The following HECW2 variants were observed in gnomAD, a reference collection of about 807,000 sequenced individuals.
HECW2 encodes HECT, C2 and WW domain containing E3 ubiquitin protein ligase 2.
In HECW2, 61 loss-of-function variants were observed where a neutral mutation model predicts 175.2. The observed-to-expected ratio is 0.35, with a 90% CI of 0.28 to 0.43. The LOEUF is 0.43. Among genes scored for constraint, HECW2 ranks in the 20% least tolerant of loss-of-function variants. HECW2 has a pLI of 1.00. For missense variants in HECW2, 1,524 were observed against 2,000.5 expected (o/e 0.76, Z 4.54); for synonymous variants, 671 against 731.0 (o/e 0.92, Z 1.32).
At chr2:196,279,464 CA>C (rs1399111400) in intron 14 of HECW2, among the ~76,000 whole-genome samples, 1 of 152,168 alleles carries the variant, frequency 6.6e-6, no homozygotes, top group Non-Finnish European at 1.5e-5. Context: ...CCAGCCTGAA[CA>C]CCACCCCATT....
chr2:196,524,908 A>G (rs1688574015), intron 1 of HECW2, among the ~76,000 whole-genome samples: 1 of 133,388 alleles, frequency 7.5e-6, no homozygotes, highest in East Asian at 2.0e-4. Context: ...TATGTGGTCA[A>G]TTTTGGAATA....
intron 2 of HECW2, among the ~76,000 whole-genome samples, chr2:196,364,714 C>T (rs1379484361): frequency 1.3e-5 from 2 of 152,156 alleles, no homozygotes; most frequent in Non-Finnish European, 1.5e-5. Context: ...CCTGCCCTCA[C>T]AGAGCTTATA....
intron 21 of HECW2, among the ~76,000 whole-genome samples, chr2:196,229,924 A>G (rs1687988886): frequency 6.6e-6 from 1 of 152,242 alleles, no homozygotes; most frequent in Admixed American, 6.5e-5. Context: ...ATACATGAAT[A>G]TTAAAATAAA....
At chr2:196,278,506 G>C (rs770841147) in intron 15 of HECW2, 22 bp downstream of exon 15, 1 of 1,609,628 alleles carries the variant, frequency 6.2e-7, no homozygotes, top group South Asian at 1.1e-5. Flanking sequence ...CAACAGGTCA[G>C]TCCCCAAAAC....
intron 2 of HECW2, chr2:196,361,765 A>G: frequency 2.0e-6 from 2 of 979,358 alleles, no homozygotes; most frequent in Non-Finnish European, 2.4e-6. Context: ...GGACAAGGAA[A>G]TCAAGTGACA....
chr2:196,215,751 G>A, intron 28 of HECW2, 114 bp downstream of exon 28: 2 of 706,308 alleles, frequency 2.8e-6, no homozygotes, highest in Admixed American at 5.5e-5. Context: ...CATTCTAAGA[G>A]CTTTTCCGCT....
intron 2 of HECW2, among the ~76,000 whole-genome samples, chr2:196,389,998 A>G (rs1005810644): frequency 1.3e-5 from 2 of 152,158 alleles, no homozygotes; most frequent in African/African-American, 4.8e-5. Flanking sequence ...CTCTTTAGAT[A>G]CTTTGAAAGC....
At chr2:196,488,040 A>G (rs370381684) in intron 1 of HECW2, among the ~76,000 whole-genome samples, 1 of 152,220 alleles carries the variant, frequency 6.6e-6, no homozygotes, top group Non-Finnish European at 1.5e-5. Flanking sequence ...AATTCCACTT[A>G]CTGTGCTTCC....
intron 1 of HECW2, among the ~76,000 whole-genome samples, chr2:196,569,460 C>G (rs1176071369): frequency 6.6e-6 from 1 of 152,190 alleles, no homozygotes; most frequent in African/African-American, 2.4e-5. Flanking sequence ...CTTCTGTCTA[C>G]TTTTTCCATA....
intron 1 of HECW2, among the ~76,000 whole-genome samples, chr2:196,459,703 A>G (rs1696662171): frequency 6.6e-6 from 1 of 152,188 alleles, no homozygotes. Context: ...GTGGTTTTCA[A>G]CAAAATAACC....
intron 2 of HECW2, among the ~76,000 whole-genome samples, chr2:196,368,320 C>A (rs546402520): frequency 3.3e-5 from 5 of 152,276 alleles, no homozygotes; most frequent in South Asian, 4.1e-4. Context: ...TATCTCATTG[C>A]AGTTTTGCTG....
At chr2:196,243,589 C>CT (rs1240945590) in intron 19 of HECW2, among the ~76,000 whole-genome samples, 3 of 148,650 alleles carry the variant, frequency 2.0e-5, no homozygotes, top group Non-Finnish European at 4.5e-5. Flanking sequence ...TTTCTCTTTC[C>CT]TTTTTTTTGA....
chr2:196,293,196 T>C (rs1035046836), intron 13 of HECW2, among the ~76,000 whole-genome samples: 2 of 152,178 alleles, frequency 1.3e-5, no homozygotes, highest in Non-Finnish European at 2.9e-5. Context: ...TGTTCCCCTC[T>C]CTGTGTCCAT....
At chr2:196,542,779 CTAGA>C (rs1408325745) in intron 1 of HECW2, among the ~76,000 whole-genome samples, 1 of 149,820 alleles carries the variant, frequency 6.7e-6, no homozygotes, top group African/African-American at 2.4e-5. Context: ...ATAAATATAT[CTAGA>C]TAGATACATG....
chr2:196,444,949 T>G (rs1696142026), intron 1 of HECW2, among the ~76,000 whole-genome samples: 1 of 152,214 alleles, frequency 6.6e-6, no homozygotes, highest in Non-Finnish European at 1.5e-5. Context: ...ATTTATCTAT[T>G]CTGTTACCCT....
intron 1 of HECW2, among the ~76,000 whole-genome samples, chr2:196,458,001 G>A (rs1696581296): frequency 6.6e-6 from 1 of 152,178 alleles, no homozygotes; most frequent in Non-Finnish European, 1.5e-5. Context: ...TGGACACAGT[G>A]GCTCACATCT....
At chr2:196,267,605 G>A (rs770398604) in intron 17 of HECW2, among the ~76,000 whole-genome samples, 1 of 152,058 alleles carries the variant, frequency 6.6e-6, no homozygotes, top group Non-Finnish European at 1.5e-5. Context: ...AGGGAGCAGT[G>A]ATTTAAATAC....
intron 1 of HECW2, among the ~76,000 whole-genome samples, chr2:196,556,700 C>T (rs1056441598): frequency 3.3e-5 from 5 of 152,104 alleles, no homozygotes; most frequent in African/African-American, 9.7e-5. Context: ...GATTAAAGTA[C>T]GTGGATGAAG....
chr2:196,207,039 A>T (rs1047859572), intron 28 of HECW2, among the ~76,000 whole-genome samples: 3 of 152,206 alleles, frequency 2.0e-5, no homozygotes, highest in Non-Finnish European at 2.9e-5. Flanking sequence ...GGAACATGAC[A>T]TTGCATCATC....
Sources: gnomAD v4.1 joint callset for allele counts (sites outside exome capture counted in the v4.1 genomes callset) on GRCh38, gnomAD v4.1.1 for gene constraint, MANE v1.5 for transcripts, NCBI Gene and HGNC (gene_info 2026-07-23, HGNC 2026-07-21) for gene names.